RAB3C: variants seen among roughly 807,000 people sequenced by gnomAD.
The protein encoded by RAB3C is RAB3C, member RAS oncogene family, also known as ras-related protein Rab-3C.
RAB3C carries 17 observed loss-of-function variants against 26.4 expected under a neutral mutation model. That is an observed-to-expected ratio of 0.64 (90% CI 0.44 to 0.97). The LOEUF (loss-of-function observed/expected upper bound fraction) is 0.97, where lower values mean the gene tolerates loss of function less well. Ranked by LOEUF, RAB3C falls within the 50% of genes least tolerant of loss-of-function variation. RAB3C has a pLI of 0.00. For synonymous variants in RAB3C, 91 were observed against 95.9 expected, an observed-to-expected ratio of 0.95 and a Z score of 0.30; for missense variants, 242 against 281.9, an observed-to-expected ratio of 0.86 and a Z score of 1.01.
At chr5:58,619,680 C>A (rs1746894749) in intron 2 of RAB3C, among the ~76,000 whole-genome samples, 1 of 152,048 alleles carries the variant, frequency 6.6e-6, no homozygotes, top group Non-Finnish European at 1.5e-5. Flanking sequence ...GTGTGTTAAG[C>A]CAGTCTTATA....
chr5:58,678,176 C>T (rs573283498), intron 2 of RAB3C, among the ~76,000 whole-genome samples: 1 of 152,114 alleles, frequency 6.6e-6, no homozygotes, highest in South Asian at 2.1e-4. Flanking sequence ...GAACAATCTC[C>T]TTCTTTATGA....
intron 3 of RAB3C, among the ~76,000 whole-genome samples, chr5:58,726,497 G>C (rs1044371622): frequency 2.6e-5 from 4 of 151,920 alleles, no homozygotes; most frequent in African/African-American, 9.7e-5. Flanking sequence ...CCCACTGCTT[G>C]TTTAGTAAAT....
At chr5:58,744,153 G>T (rs1579894036) in intron 3 of RAB3C, among the ~76,000 whole-genome samples, 1 of 152,206 alleles carries the variant, frequency 6.6e-6, no homozygotes, top group Non-Finnish European at 1.5e-5. Flanking sequence ...GACAAGATCT[G>T]CAGTGGAACC....
At chr5:58,729,074 C>A (rs1039550317) in intron 3 of RAB3C, among the ~76,000 whole-genome samples, 2 of 151,962 alleles carry the variant, frequency 1.3e-5, no homozygotes, top group African/African-American at 4.8e-5. Flanking sequence ...TCATAACAGA[C>A]AACACTATCC....
chr5:58,797,188 A>G (rs10940627), intron 3 of RAB3C, among the ~76,000 whole-genome samples: 34,357 of 151,038 alleles, frequency 0.23, 4,112 homozygotes, highest in East Asian at 0.45. Flanking sequence ...GTACTTGGCA[A>G]GACATATTAA....
At chr5:58,633,410 A>G (rs956261105) in intron 2 of RAB3C, among the ~76,000 whole-genome samples, 2 of 152,200 alleles carry the variant, frequency 1.3e-5, no homozygotes, top group Non-Finnish European at 2.9e-5. Context: ...GCACAAACGT[A>G]AAGACATCTA....
chr5:58,736,365 A>G (rs902954439), intron 3 of RAB3C, among the ~76,000 whole-genome samples: 3 of 152,228 alleles, frequency 2.0e-5, no homozygotes, highest in African/African-American at 7.2e-5. Context: ...TATTGAGCGC[A>G]TTCTCCAACT....
chr5:58,668,705 A>G (rs998128147), intron 2 of RAB3C, among the ~76,000 whole-genome samples: 1 of 152,098 alleles, frequency 6.6e-6, no homozygotes, highest in Non-Finnish European at 1.5e-5. Flanking sequence ...GGTAGAAGTC[A>G]CCCCTCCACT....
chr5:58,619,433 T>C (rs1269292267), intron 2 of RAB3C, among the ~76,000 whole-genome samples: 2 of 152,206 alleles, frequency 1.3e-5, no homozygotes, highest in South Asian at 2.1e-4. Context: ...AATTGTTATA[T>C]GATACATTTC....
At chr5:58,637,192 CA>C (rs1554045406) in intron 2 of RAB3C, among the ~76,000 whole-genome samples, 1 of 150,126 alleles carries the variant, frequency 6.7e-6, no homozygotes, top group Non-Finnish European at 1.5e-5. Context: ...TTTGGAAAAC[CA>C]AAAGGTTTAA....
At chr5:58,725,001 G>A (rs1011982591) in intron 2 of RAB3C, among the ~76,000 whole-genome samples, 2 of 151,832 alleles carry the variant, frequency 1.3e-5, no homozygotes, top group Admixed American at 6.6e-5. Flanking sequence ...AGTATTGTCG[G>A]TTTGTCTATG....
chr5:58,654,968 G>C (rs1728574264), intron 2 of RAB3C, among the ~76,000 whole-genome samples: 1 of 151,984 alleles, frequency 6.6e-6, no homozygotes, highest in Non-Finnish European at 1.5e-5. Flanking sequence ...TATAATTTTA[G>C]GTAGTGATAA....
At chr5:58,805,818 A>T (rs2459407) in intron 3 of RAB3C, among the ~76,000 whole-genome samples, 73,716 of 151,642 alleles carry the variant, frequency 0.49, 18,356 homozygotes, top group Middle Eastern at 0.68. Flanking sequence ...TACAAAGTAT[A>T]TCACCCTGAA....
chr5:58,767,207 G>C (rs1201596494), intron 3 of RAB3C, among the ~76,000 whole-genome samples: 2 of 152,214 alleles, frequency 1.3e-5, no homozygotes, highest in African/African-American at 4.8e-5. Flanking sequence ...ACTTTGTAAA[G>C]AGGGTAAGCA....
chr5:58,726,207 A>G lies in RAB3C; in HGVS notation c.371+87A>G, dbSNP rs999976160. 39 of 656,870 alleles carry G rather than the reference A, an allele frequency of 5.9e-5. No individual in the cohort carries two copies. The Admixed American group carries it at 8.0e-4, about 13-fold the overall frequency. 40.7% of individuals were successfully genotyped at this position (656,870 alleles called of 1,614,324 possible). A position where few individuals can be genotyped will look rare whatever the true frequency, so the allele number is the denominator to read the frequency against. On this transcript the variant is annotated intron_variant, in intron 3 of 4. Coordinates refer to ENST00000282878, the MANE Select transcript of RAB3C (RefSeq NM_138453.4). ...CTTCCCAAAGCAGTGACCATACCGC[A>G]ATGTAATATATGTGTTTACATTACA...
At chr5:58,671,376 G>T (rs1392972774) in intron 2 of RAB3C, among the ~76,000 whole-genome samples, 2 of 152,136 alleles carry the variant, frequency 1.3e-5, no homozygotes, top group Admixed American at 1.3e-4. Context: ...GCTTCAAAAC[G>T]AAGGCTGTCT....
intron 2 of RAB3C, among the ~76,000 whole-genome samples, chr5:58,655,827 G>A (rs896797614): frequency 8.5e-5 from 10 of 118,202 alleles, no homozygotes; most frequent in East Asian, 2.5e-4. Flanking sequence ...ACGGAGTCTC[G>A]CTCTGTCACC....
intron 3 of RAB3C, among the ~76,000 whole-genome samples, chr5:58,820,025 A>G (rs1743305007): frequency 1.3e-5 from 2 of 152,332 alleles, no homozygotes; most frequent in African/African-American, 2.4e-5. Flanking sequence ...ACGTGCATAG[A>G]AAGTTATTGT....
chr5:58,738,653 G>T (rs1032558946), intron 3 of RAB3C, among the ~76,000 whole-genome samples: 11 of 152,116 alleles, frequency 7.2e-5, no homozygotes, highest in Admixed American at 7.2e-4. Context: ...TTATGTAGAT[G>T]CAGCCTTACC....
Sources: allele counts gnomAD v4.1 joint callset (sites outside exome capture counted in the v4.1 genomes callset), GRCh38; gene constraint gnomAD v4.1.1; transcripts MANE v1.5; gene names NCBI Gene and HGNC (gene_info 2026-07-23, HGNC 2026-07-21).